GPR137: variants seen among roughly 807,000 people sequenced by gnomAD.
GPR137 encodes G protein-coupled receptor 137, also known as integral membrane protein GPR137.
GPR137 carries 20 observed loss-of-function variants against 38.9 expected under a neutral mutation model. That is an observed-to-expected ratio of 0.51 (90% CI 0.36 to 0.75). The LOEUF (loss-of-function observed/expected upper bound fraction) is 0.75. GPR137 is among the 30% of genes least tolerant of loss of function. The pLI, the probability that GPR137 is intolerant of heterozygous loss-of-function variation, is 0.00. For missense variants in GPR137, 456 were observed against 526.4 expected, an observed-to-expected ratio of 0.87 and a Z score of 1.31; for synonymous variants, 226 against 235.8, an observed-to-expected ratio of 0.96 and a Z score of 0.38.
At chr11:64,284,785 A>ACCCGGCCCGGC, upstream of GPR137, 6 of 1,528,414 alleles carry the variant, frequency 3.9e-6, no homozygotes, top group Non-Finnish European at 5.2e-6. Flanking sequence ...GGCGGGGTCA[A>ACCCGGCCCGGC]CCCGGCCCGG....
upstream of GPR137, chr11:64,284,306 G>T (rs769270284): frequency 2.7e-5 from 43 of 1,612,218 alleles, no homozygotes; most frequent in Admixed American, 6.7e-4. Flanking sequence ...TGGGGCCCAG[G>T]CCCCTCTCTG....
At chr11:64,277,479 C>T (rs1362602413) in intron 2 of GPR137, among the ~76,000 whole-genome samples, 2 of 152,152 alleles carry the variant, frequency 1.3e-5, no homozygotes, top group Non-Finnish European at 2.9e-5. Flanking sequence ...TCTCTGTCAC[C>T]CAGACTGGAG....
intron 2 of GPR137, chr11:64,277,137 G>A (rs899534800): frequency 2.1e-5 from 13 of 618,120 alleles, no homozygotes; most frequent in South Asian, 3.7e-5. Context: ...GTTCCAGACC[G>A]TTTGGAGCAG....
chr11:64,285,817 C>T (rs2033927213), upstream of GPR137: 18 of 985,248 alleles, frequency 1.8e-5, no homozygotes, highest in Non-Finnish European at 2.2e-5. Flanking sequence ...TAGCGAACGG[C>T]GCCCGCGCAG....
At chr11:64,278,322 C>A (rs934861664) in intron 2 of GPR137, among the ~76,000 whole-genome samples, 1 of 151,076 alleles carries the variant, frequency 6.6e-6, no homozygotes, top group African/African-American at 2.4e-5. Flanking sequence ...GAGATTGCAC[C>A]ACTGCACTCC....
In GPR137 at chr11:64,289,357, T is replaced by G; in HGVS notation, c.*161T>G. ...CTCCTGTCATAGTGAGCTTGTGCCGTCCCCCTAGGATGGGGGGCATGGCCC... is the reference window on the plus strand; with the variant it reads ...CTCCTGTCATAGTGAGCTTGTGCCGGCCCCCTAGGATGGGGGGCATGGCCC... On this transcript the variant is annotated 3_prime_UTR_variant, in exon 7 of 7. Coordinates refer to ENST00000438980, the MANE Select transcript of GPR137 (RefSeq NM_001170880.2). 1 of 1,586,568 alleles carries G rather than the reference T, an allele frequency of 6.3e-7. No individual in the cohort carries two copies.
chr11:64,279,047 G>A (rs1343554424), intron 2 of GPR137, among the ~76,000 whole-genome samples: 2 of 152,090 alleles, frequency 1.3e-5, no homozygotes, highest in South Asian at 2.1e-4. Flanking sequence ...GGGAGGTGTC[G>A]TCCCTGGCCT....
chr11:64,283,528 C>A (rs1591182015), upstream of GPR137, among the ~76,000 whole-genome samples: 1 of 152,228 alleles, frequency 6.6e-6, no homozygotes, highest in African/African-American at 2.4e-5. Flanking sequence ...CTGTCTGCCC[C>A]TTGAGGTCAT....
At chr11:64,271,507 G>C (rs2032603536), upstream of GPR137, 1 of 1,182,406 alleles carries the variant, frequency 8.5e-7, no homozygotes, top group African/African-American at 1.6e-5. Flanking sequence ...TTTGGGGAGG[G>C]GTCGTGGGAC....
At chr11:64,271,688 G>A (rs1344571573), upstream of GPR137, 8 of 1,475,940 alleles carry the variant, frequency 5.4e-6, no homozygotes, top group African/African-American at 1.2e-4. Context: ...AGAGGTTGGG[G>A]GGCGCCGAGC....
rs752268598 is a variant in GPR137, at chr11:64,288,564, A to G, written c.913-39A>G. On this transcript the variant is annotated intron_variant, in intron 5 of 6. Transcript: ENST00000438980. The surrounding 1 kb of genome is among the most constrained non-coding windows in gnomAD (Gnocchi z 5.5). ...GGGGTTGGGCCTGGGAGGCCAGTGC[A>G]GGACAGGAGTAAGTATCGATGATGG... 2.3e-5 allele frequency: 37 copies of G among 1,613,376 alleles called. No individual in the cohort carries two copies. In the South Asian group the frequency reaches 3.6e-4, roughly 16 times the overall value.
At chr11:64,281,391 T>C (rs1208536678), upstream of GPR137, among the ~76,000 whole-genome samples, 1 of 152,236 alleles carries the variant, frequency 6.6e-6, no homozygotes, top group African/African-American at 2.4e-5. Context: ...CAGCTACTTC[T>C]CACCACCTCC....
chr11:64,279,836 C>A (rs2033322152), upstream of GPR137, among the ~76,000 whole-genome samples: 1 of 151,446 alleles, frequency 6.6e-6, no homozygotes, highest in East Asian at 1.9e-4. Context: ...CCTCACCCTT[C>A]AGTGTTTCTT....
At chr11:64,271,691 C>T, upstream of GPR137, 3 of 1,471,094 alleles carry the variant, frequency 2.0e-6, no homozygotes, top group East Asian at 2.8e-5. Flanking sequence ...GGTTGGGGGG[C>T]GCCGAGCGCG....
intron 2 of GPR137, 177 bp downstream of exon 2, chr11:64,287,191 C>G (rs897346873): frequency 1.6e-5 from 16 of 985,206 alleles, no homozygotes; most frequent in Non-Finnish European, 1.8e-5. Context: ...CCTTGCAGAT[C>G]TGCAAGGCAC....
upstream of GPR137, chr11:64,270,775 A>G: frequency 2.3e-6 from 1 of 430,808 alleles, no homozygotes; most frequent in Non-Finnish European, 4.7e-6. Context: ...AGCCTGGGCG[A>G]CAGAGCGCAC....
At chr11:64,281,761 G>C (rs761457390), upstream of GPR137, among the ~76,000 whole-genome samples, 1 of 151,996 alleles carries the variant, frequency 6.6e-6, no homozygotes, top group African/African-American at 2.4e-5. Context: ...TCACTCTGTC[G>C]CCAGGCTGGA....
At chr11:64,271,405 A>C (rs1421032143), upstream of GPR137, among the ~76,000 whole-genome samples, 3 of 132,246 alleles carry the variant, frequency 2.3e-5, no homozygotes, top group East Asian at 2.2e-4. Flanking sequence ...ACACACACAC[A>C]CCAGGCGGGG....
upstream of GPR137, chr11:64,271,754 C>A: frequency 1.4e-6 from 2 of 1,445,896 alleles, no homozygotes; most frequent in Non-Finnish European, 1.8e-6. Context: ...CGTCCTCCGT[C>A]CCCGCGGGGT....
Sources: allele counts gnomAD v4.1 joint callset (sites outside exome capture counted in the v4.1 genomes callset), GRCh38; gene constraint gnomAD v4.1.1; non-coding constraint Gnocchi (gnomAD v3.1); transcripts MANE v1.5; gene names NCBI Gene and HGNC (gene_info 2026-07-23, HGNC 2026-07-21).